SLTM: variants seen among roughly 807,000 people sequenced by gnomAD.
SLTM encodes the protein SAFB like transcription modulator, also known as SAFB-like transcription modulator.
In SLTM, 43 loss-of-function variants were observed where a neutral mutation model predicts 134.6. That is an observed-to-expected ratio of 0.32 (90% CI 0.25 to 0.41). The LOEUF is 0.41. Among genes scored for constraint, SLTM ranks in the 10% least tolerant of loss-of-function variants. The pLI is 1.00. For missense variants in SLTM, 1,055 were observed against 1,288.8 expected, an observed-to-expected ratio of 0.82 and a Z score of 2.78; for synonymous variants, 424 against 432.3, an observed-to-expected ratio of 0.98 and a Z score of 0.24.
At chr15:58,914,799 C>T (rs2036515518) in intron 3 of SLTM, among the ~76,000 whole-genome samples, 2 of 152,138 alleles carry the variant, frequency 1.3e-5, no homozygotes, top group Admixed American at 6.5e-5. Flanking sequence ...AAATTATCAA[C>T]TGTGGGAGAT....
chr15:58,931,650 A>T (rs890950755), intron 2 of SLTM, among the ~76,000 whole-genome samples: 2 of 152,224 alleles, frequency 1.3e-5, no homozygotes, highest in African/African-American at 2.4e-5. Context: ...AAGAAGCTTT[A>T]AAAAATACCT....
chr15:58,886,867 AT>A, intron 19 of SLTM, 107 bp downstream of exon 19: 1 of 1,331,560 alleles, frequency 7.5e-7, no homozygotes, highest in South Asian at 1.3e-5. Flanking sequence ...AATCATTCCA[AT>A]CTAGCTAATC....
chr15:58,929,644 T>C, intron 2 of SLTM, among the ~76,000 whole-genome samples: 1 of 152,212 alleles, frequency 6.6e-6, no homozygotes, highest in Non-Finnish European at 1.5e-5. Context: ...CAGGCTGGTC[T>C]TGAACTACTG....
chr15:58,933,015 C>T (rs2141272844), intron 1 of SLTM, among the ~76,000 whole-genome samples: 1 of 152,302 alleles, frequency 6.6e-6, no homozygotes, highest in South Asian at 2.1e-4. Context: ...CCAAAGTAAC[C>T]ATTCCCTCTG....
Position 58,922,377 on chromosome 15 carries a change from C to CAAAAAAAAAA in SLTM, c.251-5388_251-5379dup, listed in dbSNP as rs59996812. 6.5e-5 allele frequency among the ~76,000 whole-genome samples: 4 copies of CAAAAAAAAAA among 61,128 alleles called. 1 individual carries two copies. The highest frequency in any genetic ancestry group is 1.6e-4 in the African/African-American group (2 of 12,698). The allele number at this position is 61,128 out of a possible 152,430, so 40.1% of individuals were successfully genotyped here. A position where few individuals can be genotyped will look rare whatever the true frequency, so the allele number is the denominator to read the frequency against. On this transcript the variant is annotated intron_variant, in intron 2 of 20. Coordinates refer to ENST00000380516, the MANE Select transcript of SLTM (RefSeq NM_024755.4). ...GGGTGACAAGAGCAAAACTCTGCCT[C>CAAAAAAAAAA]AAAAAAAAAAAAAAAAAAAAAAGCT...
chr15:58,883,538 A>C, intron 20 of SLTM, 88 bp downstream of exon 20: 2 of 1,537,442 alleles, frequency 1.3e-6, no homozygotes, highest in Non-Finnish European at 1.8e-6. Context: ...CAGTAGTTGC[A>C]ATTCAGTCTC....
intron 19 of SLTM, among the ~76,000 whole-genome samples, chr15:58,885,886 C>T (rs1402276286): frequency 5.9e-5 from 9 of 152,108 alleles, no homozygotes; most frequent in Admixed American, 2.6e-4. Context: ...GACACACACA[C>T]TGCACAATTC....
chr15:58,886,132 TTTAGGA>T (rs1239455976), intron 19 of SLTM, among the ~76,000 whole-genome samples: 1 of 152,044 alleles, frequency 6.6e-6, no homozygotes, highest in Non-Finnish European at 1.5e-5. Context: ...CTCATCTACC[TTTAGGA>T]TAAGAAGACA....
intron 16 of SLTM, 91 bp from the exon 17 acceptor site, chr15:58,888,646 C>G: frequency 2.4e-6 from 3 of 1,266,532 alleles, no homozygotes; most frequent in South Asian, 1.4e-5. Flanking sequence ...CATGTTAGAA[C>G]TGTGGACATA....
At chr15:58,914,836 T>C (rs866400074) in intron 3 of SLTM, among the ~76,000 whole-genome samples, 28 of 152,342 alleles carry the variant, frequency 1.8e-4, no homozygotes, top group African/African-American at 6.0e-4. Flanking sequence ...TTAATTTCTA[T>C]CAAATACATC....
intron 5 of SLTM, among the ~76,000 whole-genome samples, chr15:58,901,619 A>C (rs1443750849): frequency 1.3e-5 from 2 of 152,226 alleles, no homozygotes; most frequent in Non-Finnish European, 2.9e-5. Flanking sequence ...TGACCTGATG[A>C]CGTATTTTAC....
intron 5 of SLTM, among the ~76,000 whole-genome samples, chr15:58,910,282 G>C (rs2036166214): frequency 6.6e-6 from 1 of 152,156 alleles, no homozygotes; most frequent in Admixed American, 6.6e-5. Flanking sequence ...ACACTATGCA[G>C]TATCCCTGAA....
Position 58,893,869 on chromosome 15 carries a change from C to T in SLTM, c.1600G>A (p.Gly534Ser). Residue 534 changes from glycine to serine, a missense_variant, in exon 12 of 21, where the codon GGC (glycine) becomes AGC (serine). By Grantham distance (56) the Gly-to-Ser change is moderately conservative. Coordinates refer to ENST00000380516, the MANE Select transcript of SLTM (RefSeq NM_024755.4). ...KDEKNDNGAS[G>S]QTSESIKKSE... Reference sequence around the variant, plus strand: ...TTTTTAATCGATTCTGATGTTTGGCCACTTGCTCCATTATCATTCTTCTCA... The same window carrying T: ...TTTTTAATCGATTCTGATGTTTGGCTACTTGCTCCATTATCATTCTTCTCA... The T allele has an allele frequency of 1.9e-6, 3 of 1,612,936 alleles. No homozygotes were observed. Among genetic ancestry groups the T allele is most frequent in the South Asian group, 2.2e-5 (2 of 90,710 alleles).
At chr15:58,901,881 TC>T (rs2035510345) in intron 5 of SLTM, among the ~76,000 whole-genome samples, 1 of 149,380 alleles carries the variant, frequency 6.7e-6, no homozygotes, top group African/African-American at 2.5e-5. Context: ...ACAGAGTAAA[TC>T]CCTGTCTCAA....
chr15:58,904,520 A>C (rs990699414), intron 5 of SLTM, among the ~76,000 whole-genome samples: 1 of 151,962 alleles, frequency 6.6e-6, no homozygotes, highest in African/African-American at 2.4e-5. Context: ...TCACTATCTA[A>C]GACCATTATA....
At chr15:58,918,888 T>G (rs561096923) in intron 2 of SLTM, among the ~76,000 whole-genome samples, 1 of 152,204 alleles carries the variant, frequency 6.6e-6, no homozygotes, top group African/African-American at 2.4e-5. Flanking sequence ...AAGATGTCCT[T>G]TTCCTGAAAA....
chr15:58,905,571 A>T (rs979694501), intron 5 of SLTM, among the ~76,000 whole-genome samples: 6 of 152,014 alleles, frequency 3.9e-5, no homozygotes, highest in African/African-American at 1.4e-4. Context: ...AAAATAAATA[A>T]TTTTTTAAAA....
chr15:58,887,168 C>CT lies in SLTM; in HGVS notation c.2691-50dup, dbSNP rs749328975. Reference sequence around the variant, plus strand: ...TACATGATCAAAACTGTAATCTTAACTTTTTTTAACCCCAATGCATGAGAC... The same window carrying CT: ...TACATGATCAAAACTGTAATCTTAACTTTTTTTTAACCCCAATGCATGAGAC... On this transcript the variant is annotated intron_variant, in intron 18 of 20. Transcript: ENST00000380516. 1.9e-5 allele frequency: 31 copies of CT among 1,612,100 alleles called. No homozygotes were observed. The East Asian group carries it at 4.9e-4, about 25-fold the overall frequency.
chr15:58,899,472 T>C lies in SLTM; in HGVS notation c.1055A>G (p.Lys352Arg). ...PSSTGASGQA[K>R]SSSKESKDSK... ...GAACTGACATAGAAAAACAAACCTCTTTGCTTGACCAGAGGCCCCAGTAGA... is the reference window on the plus strand; with the variant it reads ...GAACTGACATAGAAAAACAAACCTCCTTGCTTGACCAGAGGCCCCAGTAGA... The change falls in exon 7 of 21, where the codon AAG becomes AGG. Residue 352 changes from lysine to arginine, a missense_variant. Coordinates refer to ENST00000380516, the MANE Select transcript of SLTM (RefSeq NM_024755.4). This position sits in a 1 kb window ranked among gnomAD's most constrained non-coding sequence, Gnocchi z 5.0. 6.2e-7 allele frequency: 1 copy of C among 1,613,536 alleles called. No individual in the cohort carries two copies. Among genetic ancestry groups the C allele is most frequent in the Non-Finnish European group, 8.5e-7 (1 of 1,179,656 alleles).
Sources: allele counts gnomAD v4.1 joint callset (sites outside exome capture counted in the v4.1 genomes callset), GRCh38; gene constraint gnomAD v4.1.1; non-coding constraint Gnocchi (gnomAD v3.1); transcripts MANE v1.5; gene names NCBI Gene and HGNC (gene_info 2026-07-23, HGNC 2026-07-21).